Variants in OPCML observed in about 807,000 individuals in gnomAD.
OPCML encodes the protein opioid binding protein/cell adhesion molecule like, also known as opioid-binding protein/cell adhesion molecule.
OPCML carries 13 observed loss-of-function variants against 37.8 expected under a neutral mutation model. The observed-to-expected ratio is 0.34, with a 90% CI of 0.22 to 0.55. The LOEUF is 0.55. Among genes scored for constraint, OPCML ranks in the 20% least tolerant of loss-of-function variants. OPCML has a pLI of 0.91. For missense variants in OPCML, 341 were observed against 435.6 expected (o/e 0.78, Z 1.93); for synonymous variants, 176 against 168.8 (o/e 1.04, Z -0.33).
chr11:132,534,120 T>C (rs536358963), intron 3 of OPCML, among the ~76,000 whole-genome samples: 42 of 152,084 alleles, frequency 2.8e-4, no homozygotes, highest in Non-Finnish European at 5.4e-4. Context: ...ATCCTCACCA[T>C]CCTATTCTTC....
chr11:132,555,553 C>A (rs575402725), intron 3 of OPCML, among the ~76,000 whole-genome samples: 1 of 152,202 alleles, frequency 6.6e-6, no homozygotes, highest in South Asian at 2.1e-4. Flanking sequence ...TGGGTGGGGT[C>A]ATAGCCAAAC....
chr11:133,497,287 C>T (rs995763754), intron 1 of OPCML, among the ~76,000 whole-genome samples: 29 of 152,158 alleles, frequency 1.9e-4, no homozygotes, highest in African/African-American at 6.5e-4. Flanking sequence ...CTTTCTTCTA[C>T]TTGTTCAATT....
chr11:133,430,841 G>C (rs1334241344), intron 1 of OPCML, among the ~76,000 whole-genome samples: 1 of 152,248 alleles, frequency 6.6e-6, no homozygotes, highest in Non-Finnish European at 1.5e-5. Flanking sequence ...AATATTATCA[G>C]AAGTTGTCAA....
chr11:133,107,025 G>C (rs1222155467), intron 1 of OPCML, among the ~76,000 whole-genome samples: 1 of 152,140 alleles, frequency 6.6e-6, no homozygotes, highest in African/African-American at 2.4e-5. Context: ...TCCCCACCTG[G>C]AATCAGGGAA....
chr11:132,489,258 G>A (rs188456357), intron 4 of OPCML, among the ~76,000 whole-genome samples: 1 of 152,214 alleles, frequency 6.6e-6, no homozygotes, highest in East Asian at 1.9e-4. Context: ...GCCCCGCTGG[G>A]AGGTCTTCAG....
At chr11:132,836,740 G>C (rs982763083) in intron 2 of OPCML, among the ~76,000 whole-genome samples, 43 of 152,168 alleles carry the variant, frequency 2.8e-4, no homozygotes, top group African/African-American at 1.0e-3. Context: ...CGGCATGACT[G>C]AACAAGACAC....
At chr11:132,476,105 T>G (rs772619034) in intron 4 of OPCML, among the ~76,000 whole-genome samples, 5 of 152,244 alleles carry the variant, frequency 3.3e-5, no homozygotes, top group Admixed American at 6.5e-5. Flanking sequence ...GTTTTTAGCA[T>G]GTACACTATA....
At chr11:132,931,151 CA>C (rs143769058) in intron 2 of OPCML, among the ~76,000 whole-genome samples, 72 of 144,458 alleles carry the variant, frequency 5.0e-4, no homozygotes, top group East Asian at 1.6e-3. Context: ...ACACCATATA[CA>C]AAAAAAAAAC....
chr11:132,777,778 C>T (rs142591464), intron 2 of OPCML, among the ~76,000 whole-genome samples: 1,612 of 152,198 alleles, frequency 0.011, 13 homozygotes, highest in Middle Eastern at 0.034. Context: ...TTGGGAACGA[C>T]GGAATCCTTG....
At chr11:132,531,695 T>A (rs150627751) in intron 3 of OPCML, among the ~76,000 whole-genome samples, 1 of 151,792 alleles carries the variant, frequency 6.6e-6, no homozygotes. Context: ...AAATACATGC[T>A]GGGAAAAAAA....
chr11:132,421,824 A>G (rs546421186), intron 7 of OPCML, among the ~76,000 whole-genome samples: 1 of 152,164 alleles, frequency 6.6e-6, no homozygotes, highest in African/African-American at 2.4e-5. Flanking sequence ...CCTGGCACAC[A>G]TCCTGAGAAA....
intron 2 of OPCML, among the ~76,000 whole-genome samples, chr11:132,790,462 C>T (rs1347147630): frequency 6.6e-6 from 1 of 152,174 alleles, no homozygotes; most frequent in African/African-American, 2.4e-5. Context: ...CAAAATATCA[C>T]CTGTGAACCA....
At chr11:133,120,271 G>A (rs1949400392) in intron 1 of OPCML, among the ~76,000 whole-genome samples, 1 of 152,154 alleles carries the variant, frequency 6.6e-6, no homozygotes. Context: ...GAGCAAAGCA[G>A]TTTGCATCTA....
chr11:133,246,576 T>C (rs1387914079), intron 1 of OPCML, among the ~76,000 whole-genome samples: 1 of 152,132 alleles, frequency 6.6e-6, no homozygotes, highest in Non-Finnish European at 1.5e-5. Context: ...TCAGGGCCCA[T>C]AAGTAGCCCA....
chr11:132,555,330 G>T (rs2096392806), intron 3 of OPCML, among the ~76,000 whole-genome samples: 1 of 152,094 alleles, frequency 6.6e-6, no homozygotes, highest in South Asian at 2.1e-4. Flanking sequence ...TTACACGGCA[G>T]CAGGTGAGAG....
chr11:133,177,738 C>T lies in OPCML; in HGVS notation c.62-234728G>A, dbSNP rs907400659. ...AGGTCCACAGATTTTTCTAGCTGCTCGAGCAAATGTGGAATCTCATGGAAT... is the reference window on the plus strand; with the variant it reads ...AGGTCCACAGATTTTTCTAGCTGCTTGAGCAAATGTGGAATCTCATGGAAT... On this transcript the variant is annotated intron_variant, in intron 1 of 7. Coordinates refer to ENST00000524381, the MANE Select transcript of OPCML (RefSeq NM_001012393.5). The surrounding 1 kb of genome is among the most constrained non-coding windows in gnomAD (Gnocchi z 5.0). Among the ~76,000 whole-genome samples, 25 of 152,146 alleles carry T rather than the reference C, an allele frequency of 1.6e-4. 1 individual carries two copies. Among genetic ancestry groups the T allele is most frequent in the African/African-American group, 6.0e-4 (25 of 41,436 alleles).
At chr11:132,841,010 C>T (rs570644404) in intron 2 of OPCML, among the ~76,000 whole-genome samples, 1 of 152,254 alleles carries the variant, frequency 6.6e-6, no homozygotes, top group South Asian at 2.1e-4. Flanking sequence ...TGTAACTTCT[C>T]TAACCTCAGA....
chr11:132,892,610 T>C (rs1055775779), intron 2 of OPCML, among the ~76,000 whole-genome samples: 11 of 151,930 alleles, frequency 7.2e-5, no homozygotes, highest in Non-Finnish European at 2.9e-5. Flanking sequence ...CTACTAAAAA[T>C]ACAAAAATTA....
chr11:133,440,382 A>G (rs1314829019), intron 1 of OPCML, among the ~76,000 whole-genome samples: 1 of 141,224 alleles, frequency 7.1e-6, no homozygotes, highest in Non-Finnish European at 1.5e-5. Context: ...CTGGGCAACG[A>G]GAGCAAAACT....
Sources: gnomAD v4.1 joint callset for allele counts (sites outside exome capture counted in the v4.1 genomes callset) on GRCh38, gnomAD v4.1.1 for gene constraint, Gnocchi (gnomAD v3.1) non-coding constraint, MANE v1.5 for transcripts, NCBI Gene and HGNC (gene_info 2026-07-23, HGNC 2026-07-21) for gene names.